Variants in IMMP2L observed in about 807,000 individuals in gnomAD.
The protein encoded by IMMP2L is inner mitochondrial membrane peptidase subunit 2.
Under a neutral mutation model 19.3 loss-of-function variants are expected in IMMP2L, and 18 were observed. The ratio of observed to expected loss-of-function variants is 0.93; its 90% CI spans 0.64 to 1.38. The LOEUF (loss-of-function observed/expected upper bound fraction) is 1.38, where lower values mean the gene tolerates loss of function less well. IMMP2L is among the 40% of genes most tolerant of loss of function. IMMP2L has a pLI of 0.00. For missense variants in IMMP2L, 233 were observed against 218.2 expected (o/e 1.07, Z -0.43); for synonymous variants, 76 against 73.0 (o/e 1.04, Z -0.21).
chr7:110,853,086 T>A (rs577494002), intron 5 of IMMP2L, among the ~76,000 whole-genome samples: 51 of 152,078 alleles, frequency 3.4e-4, no homozygotes, highest in African/African-American at 1.2e-3. Flanking sequence ...CTAAACAAAA[T>A]GTATAACTTG....
chr7:110,981,227 CT>C (rs1391720149), intron 3 of IMMP2L, among the ~76,000 whole-genome samples: 2 of 151,606 alleles, frequency 1.3e-5, no homozygotes, highest in East Asian at 1.9e-4. Context: ...ACTGCTTTTT[CT>C]TTTTTTCTTT....
chr7:110,675,388 C>T (rs545437096), intron 5 of IMMP2L, among the ~76,000 whole-genome samples: 126 of 152,220 alleles, frequency 8.3e-4, no homozygotes, highest in Admixed American at 1.6e-3. Flanking sequence ...GCTCAGTTCT[C>T]CCATAGTTTT....
chr7:111,499,446 T>C (rs1203008596), intron 2 of IMMP2L, among the ~76,000 whole-genome samples: 2 of 152,108 alleles, frequency 1.3e-5, no homozygotes, highest in African/African-American at 2.4e-5. Context: ...AGGATTCATA[T>C]CCGTTAATTC....
chr7:110,772,002 G>T (rs1192399108), intron 5 of IMMP2L, among the ~76,000 whole-genome samples: 1 of 152,056 alleles, frequency 6.6e-6, no homozygotes, highest in Non-Finnish European at 1.5e-5. Flanking sequence ...TCGCATCCTG[G>T]GATCGGGGCT....
chr7:111,270,011 C>T (rs1303856244), intron 3 of IMMP2L, among the ~76,000 whole-genome samples: 2 of 151,454 alleles, frequency 1.3e-5, no homozygotes, highest in African/African-American at 2.4e-5. Context: ...CCTATACAAA[C>T]CCTATTCCTA....
At chr7:111,333,630 AG>A (rs774297986) in intron 3 of IMMP2L, among the ~76,000 whole-genome samples, 3 of 152,070 alleles carry the variant, frequency 2.0e-5, no homozygotes, top group Non-Finnish European at 4.4e-5. Context: ...TGAGAGACAA[AG>A]GAGAGACAGA....
chr7:111,420,661 G>C (rs1351614937), intron 3 of IMMP2L, among the ~76,000 whole-genome samples: 1 of 150,004 alleles, frequency 6.7e-6, no homozygotes, highest in Non-Finnish European at 1.5e-5. Flanking sequence ...GCGGTGTCTG[G>C]TTTTCTGTCC....
chr7:111,460,370 A>C (rs931956155), intron 3 of IMMP2L, among the ~76,000 whole-genome samples: 1 of 152,168 alleles, frequency 6.6e-6, no homozygotes, highest in Non-Finnish European at 1.5e-5. Context: ...GAACTAAAAG[A>C]AAATAGAGGA....
intron 3 of IMMP2L, among the ~76,000 whole-genome samples, chr7:111,331,881 G>C (rs928790858): frequency 1.3e-5 from 2 of 151,724 alleles, no homozygotes; most frequent in Non-Finnish European, 2.9e-5. Flanking sequence ...AGTTCTTAAG[G>C]AATCTACTAG....
At chr7:111,444,875 T>A (rs557353385) in intron 3 of IMMP2L, among the ~76,000 whole-genome samples, 1 of 152,154 alleles carries the variant, frequency 6.6e-6, no homozygotes, top group Non-Finnish European at 1.5e-5. Context: ...CCCTTCCTAC[T>A]GTCCTTCAGC....
At chr7:110,926,561 A>G (rs1814879232) in intron 4 of IMMP2L, among the ~76,000 whole-genome samples, 2 of 152,096 alleles carry the variant, frequency 1.3e-5, no homozygotes, top group Non-Finnish European at 2.9e-5. Flanking sequence ...ATTACAATAT[A>G]CAATATTCAT....
intron 3 of IMMP2L, among the ~76,000 whole-genome samples, chr7:111,168,564 A>C (rs1183558415): frequency 6.6e-6 from 1 of 151,794 alleles, no homozygotes. Flanking sequence ...TGCTAAATTG[A>C]TTTTGCTTTT....
chr7:111,441,006 C>T (rs1459266550), intron 3 of IMMP2L, among the ~76,000 whole-genome samples: 1 of 151,872 alleles, frequency 6.6e-6, no homozygotes, highest in Non-Finnish European at 1.5e-5. Flanking sequence ...GCTTCCTCAC[C>T]TTTCTCAACC....
chr7:111,547,940 T>G (rs558066344), intron 1 of IMMP2L, among the ~76,000 whole-genome samples: 1 of 152,172 alleles, frequency 6.6e-6, no homozygotes, highest in South Asian at 2.1e-4. Flanking sequence ...CACACTGGTC[T>G]CAAACTCCCA....
At chr7:111,515,551 G>A (rs1188982129) in intron 2 of IMMP2L, among the ~76,000 whole-genome samples, 1 of 152,110 alleles carries the variant, frequency 6.6e-6, no homozygotes, top group Admixed American at 6.6e-5. Flanking sequence ...TACTGCCCTG[G>A]AAATGTATTC....
chr7:111,133,808 C>T (rs1021301055), intron 3 of IMMP2L, among the ~76,000 whole-genome samples: 1 of 152,012 alleles, frequency 6.6e-6, no homozygotes, highest in Non-Finnish European at 1.5e-5. Flanking sequence ...CTTAAACCTT[C>T]CCTAATCTGA....
At chr7:110,817,352 C>T (rs935659890) in intron 5 of IMMP2L, among the ~76,000 whole-genome samples, 3 of 152,070 alleles carry the variant, frequency 2.0e-5, no homozygotes, top group Admixed American at 2.0e-4. Flanking sequence ...TGAGTGAACT[C>T]CCATTCACAA....
At chr7:111,527,313 A>G (rs911986530) in intron 1 of IMMP2L, among the ~76,000 whole-genome samples, 2 of 150,050 alleles carry the variant, frequency 1.3e-5, no homozygotes, top group African/African-American at 4.9e-5. Flanking sequence ...TCTACTTGGG[A>G]GGCTGAGGTG....
At chr7:110,949,963 A>G (rs1164180463) in intron 4 of IMMP2L, among the ~76,000 whole-genome samples, 2 of 152,176 alleles carry the variant, frequency 1.3e-5, no homozygotes, top group African/African-American at 4.8e-5. Context: ...AAATTTTTAA[A>G]TCCCCTGAAT....
Sources: allele counts gnomAD v4.1 joint callset (sites outside exome capture counted in the v4.1 genomes callset), GRCh38; gene constraint gnomAD v4.1.1; transcripts MANE v1.5; gene names NCBI Gene and HGNC (gene_info 2026-07-23, HGNC 2026-07-21).